Variants in EZH2 observed in about 807,000 individuals in gnomAD.
EZH2 encodes enhancer of zeste 2 polycomb repressive complex 2 subunit.
Under a neutral mutation model 98.4 loss-of-function variants are expected in EZH2, and 18 were observed. The observed-to-expected ratio is 0.18, with a 90% confidence interval of 0.13 to 0.27. EZH2 has a LOEUF of 0.27. EZH2 is among the 10% of genes least tolerant of loss of function. The pLI is 1.00. For missense variants in EZH2, 470 were observed against 935.1 expected (o/e 0.50, Z 6.49); for synonymous variants, 338 against 312.3 (o/e 1.08, Z -0.87).
chr7:148,839,108 A>AAGGAAGGAAGGAAG (rs1562998145), intron 3 of EZH2, among the ~76,000 whole-genome samples: 8 of 68,126 alleles, frequency 1.2e-4, no homozygotes, highest in African/African-American at 2.2e-4. Flanking sequence ...AAGGAAGGAA[A>AAGGAAGGAAGGAAG]GTGAGTGAGC....
chr7:148,859,055 TAAAGA>T (rs1168727354), intron 1 of EZH2, among the ~76,000 whole-genome samples: 2 of 152,190 alleles, frequency 1.3e-5, no homozygotes, highest in Admixed American at 1.3e-4. Flanking sequence ...TGCAGTTGAA[TAAAGA>T]AAAGAAGGGT....
intron 1 of EZH2, among the ~76,000 whole-genome samples, chr7:148,880,819 G>C (rs1289836481): frequency 1.3e-5 from 2 of 152,102 alleles, no homozygotes; most frequent in African/African-American, 4.8e-5. Context: ...ACCAACGTAG[G>C]TACTAGGTAT....
chr7:148,866,685 C>CATATAT (rs758153151), intron 1 of EZH2, among the ~76,000 whole-genome samples: 1 of 142,668 alleles, frequency 7.0e-6, no homozygotes, highest in Non-Finnish European at 1.5e-5. Context: ...TACGTATATG[C>CATATAT]ATATATATAT....
intron 3 of EZH2, 61 bp downstream of exon 3, chr7:148,846,409 T>C (rs1310597320): frequency 1.9e-6 from 3 of 1,550,692 alleles, no homozygotes; most frequent in Non-Finnish European, 2.6e-6. Flanking sequence ...ACCAAACAAA[T>C]GTTCCAATAG....
chr7:148,861,228 CTT>C (rs200267826), intron 1 of EZH2, among the ~76,000 whole-genome samples: 154 of 133,324 alleles, frequency 1.2e-3, no homozygotes, highest in Middle Eastern at 3.8e-3. Flanking sequence ...TTATTTGTAT[CTT>C]TTTTTTTTTT....
Position 148,875,594 on chromosome 7 carries a change from A to G in EZH2, c.-8+8570T>C, listed in dbSNP as rs115704132. On this transcript the variant is annotated intron_variant, in intron 1 of 19. Coordinates refer to ENST00000320356, the MANE Select transcript of EZH2 (RefSeq NM_004456.5). ...ATGGCCAAAATTTAAAAGACTGGCAACACGAAGTGTCAATGAAAATGTGAA... is the reference window on the plus strand; with the variant it reads ...ATGGCCAAAATTTAAAAGACTGGCAGCACGAAGTGTCAATGAAAATGTGAA... Among the ~76,000 whole-genome samples the G allele has an allele frequency of 9.3e-3, 1,414 of 152,364 alleles. 18 individuals are homozygous for G. The highest frequency in any genetic ancestry group is 0.032 in the African/African-American group (1,336 of 41,582).
chr7:148,822,812 C>T (rs1173512844), intron 8 of EZH2, among the ~76,000 whole-genome samples: 2 of 151,792 alleles, frequency 1.3e-5, no homozygotes, highest in Non-Finnish European at 2.9e-5. Context: ...TGAGGTGGTG[C>T]GCGCCTGTAA....
At chr7:148,861,858 T>C (rs1297978830) in intron 1 of EZH2, among the ~76,000 whole-genome samples, 1 of 152,116 alleles carries the variant, frequency 6.6e-6, no homozygotes, top group Non-Finnish European at 1.5e-5. Flanking sequence ...TTTGCCAATT[T>C]CTTTAATATC....
chr7:148,824,575 G>T (rs1247512964), intron 8 of EZH2, among the ~76,000 whole-genome samples: 1 of 152,168 alleles, frequency 6.6e-6, no homozygotes, highest in Non-Finnish European at 1.5e-5. Context: ...CTAGGTTTGT[G>T]TAAGTACACT....
At chr7:148,857,690 G>A (rs1311591501) in intron 1 of EZH2, among the ~76,000 whole-genome samples, 4 of 152,094 alleles carry the variant, frequency 2.6e-5, no homozygotes, top group African/African-American at 9.7e-5. Flanking sequence ...GGTGGAGGCT[G>A]CAGTGAGCAG....
chr7:148,861,605 A>C (rs893481365), intron 1 of EZH2, among the ~76,000 whole-genome samples: 1 of 152,092 alleles, frequency 6.6e-6, no homozygotes, highest in Non-Finnish European at 1.5e-5. Context: ...TGAACCTGAA[A>C]ATATGGAGGG....
At chr7:148,811,382 C>T (rs1803038778) in intron 16 of EZH2, among the ~76,000 whole-genome samples, 1 of 152,152 alleles carries the variant, frequency 6.6e-6, no homozygotes, top group Admixed American at 6.5e-5. Context: ...AACTCCTGAG[C>T]TCAAGCAATC....
Position 148,809,139 on chromosome 7 carries a change from A to C in EZH2, c.2127T>G (p.Gly709=), listed in dbSNP as rs1338128224. Reference sequence around the variant, plus strand: ...TGGCAAAAATACCTATCCTGTGATCACCGTTAACCATCATAACTGCAAAGA... The same window carrying C: ...TGGCAAAAATACCTATCCTGTGATCCCCGTTAACCATCATAACTGCAAAGA... ...NCYAKVMMVN[G]DHRIGIFAKR... Residue 709 remains glycine, a synonymous_variant, in exon 19 of 20, where the codon GGT becomes GGG. Transcript: ENST00000320356. 2 of 1,614,220 alleles carry C rather than the reference A, an allele frequency of 1.2e-6. No individual in the cohort carries two copies. The highest frequency in any genetic ancestry group is 2.2e-5 in the East Asian group (1 of 44,892).
chr7:148,825,795 G>C (rs775381239), intron 8 of EZH2, among the ~76,000 whole-genome samples: 12 of 152,174 alleles, frequency 7.9e-5, no homozygotes, highest in Admixed American at 2.6e-4. Flanking sequence ...AGGAAAATTA[G>C]GAAGTATTAA....
At chr7:148,878,455 T>C (rs1233773144) in intron 1 of EZH2, among the ~76,000 whole-genome samples, 2 of 152,272 alleles carry the variant, frequency 1.3e-5, no homozygotes, top group Non-Finnish European at 2.9e-5. Flanking sequence ...TCACTCCTTT[T>C]ATGTCTGAAT....
chr7:148,853,813 C>T (rs896614377), intron 1 of EZH2, among the ~76,000 whole-genome samples: 15 of 152,206 alleles, frequency 9.9e-5, no homozygotes, highest in African/African-American at 3.6e-4. Context: ...TTACAGAGGG[C>T]CAACTGTATA....
chr7:148,831,902 G>A (rs755377028), intron 4 of EZH2, among the ~76,000 whole-genome samples: 5 of 152,168 alleles, frequency 3.3e-5, no homozygotes, highest in South Asian at 2.1e-4. Context: ...TGCTGCGTCA[G>A]AGTTAGCAAT....
intron 3 of EZH2, chr7:148,836,798 T>G: frequency 2.0e-6 from 1 of 488,002 alleles, no homozygotes; most frequent in Non-Finnish European, 4.1e-6. Flanking sequence ...GTAACCAGGT[T>G]CCTCTGAGGA....
At chr7:148,815,630 T>C in intron 12 of EZH2, 84 bp from the exon 13 acceptor site, 1 of 1,210,504 alleles carries the variant, frequency 8.3e-7, no homozygotes, top group Non-Finnish European at 1.2e-6. Context: ...GATCTATCTG[T>C]GCCATGAATA....
Sources: gnomAD v4.1 joint callset for allele counts (sites outside exome capture counted in the v4.1 genomes callset) on GRCh38, gnomAD v4.1.1 for gene constraint, MANE v1.5 for transcripts, NCBI Gene and HGNC (gene_info 2026-07-23, HGNC 2026-07-21) for gene names.